Variants in DMD observed in about 807,000 individuals in gnomAD.
DMD encodes dystrophin.
Under a neutral mutation model 330.1 loss-of-function variants are expected in DMD, and 63 were observed. The observed-to-expected ratio is 0.19, with a 90% CI of 0.16 to 0.24. The LOEUF (loss-of-function observed/expected upper bound fraction) is 0.24. Among genes scored for constraint, DMD ranks in the 10% least tolerant of loss-of-function variants. The pLI is 1.00. For synonymous variants in DMD, 1,223 were observed against 959.8 expected, an observed-to-expected ratio of 1.27 and a Z score of -5.07; for missense variants, 3,344 against 2,684.1, an observed-to-expected ratio of 1.25 and a Z score of -5.43.
intron 2 of DMD, among the ~76,000 whole-genome samples, chrX:32,924,643 A>AATTT (rs1184777102): frequency 2.7e-5 from 3 of 112,302 alleles, no homozygotes; most frequent in African/African-American, 9.7e-5. Flanking sequence ...TGTGTGATGG[A>AATTT]ATTTATTAGC....
chrX:32,786,253 G>C (rs887842247), intron 7 of DMD, among the ~76,000 whole-genome samples: 2 of 110,552 alleles, frequency 1.8e-5, no homozygotes, highest in Admixed American at 9.7e-5. Flanking sequence ...GACTTTCTCA[G>C]ATAATAGCTT....
chrX:33,283,087 C>T (rs1354528136), intron 1 of DMD, among the ~76,000 whole-genome samples: 1 of 111,900 alleles, frequency 8.9e-6, no homozygotes, highest in Non-Finnish European at 1.9e-5. Context: ...TGTTTTAACA[C>T]GTGATTCAGA....
intron 44 of DMD, among the ~76,000 whole-genome samples, chrX:32,114,939 C>A (rs760419532): frequency 1.6e-3 from 178 of 112,030 alleles, no homozygotes; most frequent in Middle Eastern, 4.6e-3. Context: ...TTATCAAGGT[C>A]AAGTATGAGC....
At chrX:31,831,078 C>T (rs1001243532) in intron 49 of DMD, among the ~76,000 whole-genome samples, 1 of 112,307 alleles carries the variant, frequency 8.9e-6, no homozygotes, top group Non-Finnish European at 1.9e-5. Flanking sequence ...GAAGCTTTTT[C>T]CAATGCCCTC....
At chrX:33,025,829 G>T (rs762422602) in intron 1 of DMD, among the ~76,000 whole-genome samples, 1 of 111,831 alleles carries the variant, frequency 8.9e-6, no homozygotes, top group Admixed American at 9.5e-5. Flanking sequence ...AAAGTGCTAG[G>T]ACTACAGGCA....
At chrX:32,008,389 C>T (rs1447368052) in intron 44 of DMD, among the ~76,000 whole-genome samples, 4 of 111,912 alleles carry the variant, frequency 3.6e-5, no homozygotes, top group Non-Finnish European at 7.5e-5. Context: ...TTTTAATACA[C>T]TCATTTATTT....
chrX:31,460,089 A>G (rs1248749367), intron 59 of DMD, among the ~76,000 whole-genome samples: 1 of 111,996 alleles, frequency 8.9e-6, no homozygotes, highest in East Asian at 2.8e-4. Context: ...AGTTTATCCC[A>G]TAATTCTCTT....
chrX:33,071,804 T>A (rs2094761975), intron 1 of DMD, among the ~76,000 whole-genome samples: 1 of 111,818 alleles, frequency 8.9e-6, no homozygotes, highest in African/African-American at 3.3e-5. Context: ...AGAGTTGCCA[T>A]AGACACACTC....
intron 7 of DMD, among the ~76,000 whole-genome samples, chrX:32,738,031 G>A (rs997932336): frequency 2.7e-5 from 3 of 111,747 alleles, no homozygotes; most frequent in Admixed American, 9.6e-5. Context: ...GTCTATAGAA[G>A]CAAAAGCCTA....
At chrX:33,032,249 A>C (rs2094128508) in intron 1 of DMD, among the ~76,000 whole-genome samples, 1 of 112,024 alleles carries the variant, frequency 8.9e-6, no homozygotes, top group African/African-American at 3.2e-5. Flanking sequence ...TTGTCAGGGG[A>C]AGTACACGCC....
intron 43 of DMD, among the ~76,000 whole-genome samples, chrX:32,227,947 C>T (rs1318386936): frequency 9.0e-6 from 1 of 110,735 alleles, no homozygotes; most frequent in Admixed American, 9.7e-5. Flanking sequence ...TTTAGATAAA[C>T]GAGGACTTTT....
At chrX:31,442,850 G>C (rs1460221539) in intron 60 of DMD, among the ~76,000 whole-genome samples, 1 of 111,172 alleles carries the variant, frequency 9.0e-6, no homozygotes, top group Non-Finnish European at 1.9e-5. Context: ...TAATCACTTA[G>C]CTATATCGCC....
At chrX:32,740,769 G>A (rs2069149273) in intron 7 of DMD, among the ~76,000 whole-genome samples, 1 of 111,089 alleles carries the variant, frequency 9.0e-6, no homozygotes, top group Admixed American at 9.6e-5. Flanking sequence ...ACTGTTTTAA[G>A]TACTTCCCAT....
intron 1 of DMD, among the ~76,000 whole-genome samples, chrX:33,220,924 G>A (rs1321659090): frequency 1.8e-5 from 2 of 111,911 alleles, no homozygotes; most frequent in African/African-American, 6.5e-5. Context: ...CACATTGGGT[G>A]TAATAGGAGT....
chrX:33,006,874 TA>T (rs2093407793), intron 2 of DMD, among the ~76,000 whole-genome samples: 1 of 111,232 alleles, frequency 9.0e-6, no homozygotes. Context: ...CTTATCCCAG[TA>T]AATAACCATC....
chrX:31,588,469 A>G (rs1196044959), intron 55 of DMD, among the ~76,000 whole-genome samples: 2 of 111,642 alleles, frequency 1.8e-5, no homozygotes, highest in Non-Finnish European at 3.8e-5. Context: ...AATTTTGGAA[A>G]TTATTTGAAC....
intron 78 of DMD, among the ~76,000 whole-genome samples, 166 bp downstream of exon 78, chrX:31,126,476 G>T (rs1490226876): frequency 9.0e-6 from 1 of 111,576 alleles, no homozygotes; most frequent in Admixed American, 9.5e-5. Flanking sequence ...TTTGAGGAAT[G>T]TTCCTCATGA....
intron 44 of DMD, among the ~76,000 whole-genome samples, chrX:32,017,353 C>A: frequency 8.9e-6 from 1 of 111,989 alleles, no homozygotes; most frequent in East Asian, 2.8e-4. Context: ...AAGCTCTGCT[C>A]AAAGTATTAT....
At chrX:32,157,149 C>T (rs1485696167) in intron 44 of DMD, among the ~76,000 whole-genome samples, 2 of 112,279 alleles carry the variant, frequency 1.8e-5, no homozygotes, top group African/African-American at 6.5e-5. Flanking sequence ...CTAAGTGGTG[C>T]TGACGTGTTT....
Sources: gnomAD v4.1 joint callset for allele counts (sites outside exome capture counted in the v4.1 genomes callset) on GRCh38, gnomAD v4.1.1 for gene constraint, MANE v1.5 for transcripts, NCBI Gene and HGNC (gene_info 2026-07-23, HGNC 2026-07-21) for gene names.